SLC44A3: variants seen among roughly 807,000 people sequenced by gnomAD.
SLC44A3 encodes solute carrier family 44 member 3.
In SLC44A3, 74 loss-of-function variants were observed where a neutral mutation model predicts 75.4. The observed-to-expected ratio is 0.98, with a 90% CI of 0.81 to 1.19. The LOEUF (loss-of-function observed/expected upper bound fraction) is 1.19. Ranked by LOEUF, SLC44A3 falls within the 50% of genes most tolerant of loss-of-function variation. The probability of loss-of-function intolerance (pLI) is 0.00; values close to 1 mark genes in which losing one functional copy is unlikely to be tolerated. For synonymous variants in SLC44A3, 310 were observed against 296.9 expected (o/e 1.04, Z -0.45); for missense variants, 700 against 778.6 (o/e 0.90, Z 1.20).
At position 94,847,946 on chromosome 1, in the gene SLC44A3, A is replaced by T. The variant is rs547151501; in HGVS notation, c.1072+2482A>T. Among the ~76,000 whole-genome samples the T allele has an allele frequency of 2.0e-5, 3 of 152,268 alleles. No homozygotes were observed. In the East Asian group the frequency reaches 5.8e-4, roughly 30 times the overall value. On this transcript the variant is annotated intron_variant, in intron 9 of 14. Coordinates refer to ENST00000271227, the MANE Select transcript of SLC44A3 (RefSeq NM_001114106.3). The stretch of plus-strand genomic sequence containing the variant: ...CTAGGAAATAAAAATAGGCCTCTTT[A>T]GGCCGGGTGCAGTGGCTCACGCCTG...
In SLC44A3 at chr1:94,824,654, C is replaced by A. The variant is rs759376584; in HGVS notation, c.278+19C>A. The A allele has an allele frequency of 1.3e-6, 2 of 1,550,754 alleles. No homozygotes were observed. The highest frequency in any genetic ancestry group is 1.7e-6 in the Non-Finnish European group (2 of 1,153,270). On this transcript the variant is annotated intron_variant, in intron 3 of 14. Coordinates refer to ENST00000271227, the MANE Select transcript of SLC44A3 (RefSeq NM_001114106.3). ...TAAAAAAGTAAGTATCTAAATAAGT[C>A]CCCAGTCTGTAAGGAACTGTACCTC...
chr1:94,824,742 C>G (rs1047728302), intron 3 of SLC44A3, 107 bp downstream of exon 3: 2 of 1,364,936 alleles, frequency 1.5e-6, no homozygotes, highest in African/African-American at 2.9e-5. Flanking sequence ...ACTCTGTCAG[C>G]CTATTTTATA....
At chr1:94,840,208 CTA>C (rs57948776) in intron 7 of SLC44A3, among the ~76,000 whole-genome samples, 171 bp downstream of exon 7, 1,858 of 151,220 alleles carry the variant, frequency 0.012, 41 homozygotes, top group African/African-American at 0.044. Flanking sequence ...ATGGGAGTTG[CTA>C]TGTCTCACAG....
intron 12 of SLC44A3, among the ~76,000 whole-genome samples, chr1:94,876,968 A>G (rs1668361395): frequency 6.6e-6 from 1 of 151,944 alleles, no homozygotes; most frequent in Admixed American, 6.6e-5. Flanking sequence ...TCTTTTACCT[A>G]TGGTCACCTA....
chr1:94,870,370 A>C (rs1255752521), intron 12 of SLC44A3, among the ~76,000 whole-genome samples: 1 of 152,200 alleles, frequency 6.6e-6, no homozygotes, highest in South Asian at 2.1e-4. Flanking sequence ...AGTTGTTGGG[A>C]GCCAGGGGCC....
At chr1:94,848,067 A>G (rs1300255499) in intron 9 of SLC44A3, among the ~76,000 whole-genome samples, 1 of 152,140 alleles carries the variant, frequency 6.6e-6, no homozygotes, top group Non-Finnish European at 1.5e-5. Flanking sequence ...TCTCTACTAA[A>G]AATACAGAAA....
intron 9 of SLC44A3, among the ~76,000 whole-genome samples, chr1:94,847,436 G>A (rs1378217456): frequency 6.8e-6 from 1 of 146,990 alleles, no homozygotes; most frequent in Admixed American, 6.7e-5. Context: ...CATCAGCCAG[G>A]TCCCAGTTAC....
chr1:94,883,227 G>C (rs901295137), intron 12 of SLC44A3, among the ~76,000 whole-genome samples: 1 of 151,996 alleles, frequency 6.6e-6, no homozygotes, highest in African/African-American at 2.4e-5. Flanking sequence ...TAGGCCGGGT[G>C]CGGTGACTTA....
chr1:94,886,708 T>C (rs1244123670), intron 12 of SLC44A3, among the ~76,000 whole-genome samples: 1 of 152,086 alleles, frequency 6.6e-6, no homozygotes, highest in Non-Finnish European at 1.5e-5. Context: ...ACACAGGGCG[T>C]CCTCATTGTG....
At chr1:94,880,805 T>C (rs1173578983) in intron 12 of SLC44A3, among the ~76,000 whole-genome samples, 1 of 151,754 alleles carries the variant, frequency 6.6e-6, no homozygotes, top group East Asian at 1.9e-4. Flanking sequence ...GTTCTAGAGA[T>C]CTGTTGCACA....
At chr1:94,835,782 T>C (rs6676504) in intron 5 of SLC44A3, among the ~76,000 whole-genome samples, 79,475 of 151,950 alleles carry the variant, frequency 0.52, 20,986 homozygotes, top group East Asian at 0.69. Flanking sequence ...TATTTACATA[T>C]GCTAATAAAA....
At chr1:94,833,179 G>T (rs1662353392) in intron 5 of SLC44A3, among the ~76,000 whole-genome samples, 1 of 152,020 alleles carries the variant, frequency 6.6e-6, no homozygotes, top group Admixed American at 6.6e-5. Flanking sequence ...CTAAGGGGCT[G>T]GTGCAGCAAA....
intron 12 of SLC44A3, among the ~76,000 whole-genome samples, chr1:94,882,867 C>A (rs1669148103): frequency 6.7e-6 from 1 of 149,848 alleles, no homozygotes; most frequent in Non-Finnish European, 1.5e-5. Context: ...GCCAATTCCT[C>A]ATTGGTGAAA....
intron 6 of SLC44A3, among the ~76,000 whole-genome samples, chr1:94,839,600 G>T (rs760317137): frequency 6.6e-6 from 1 of 152,064 alleles, no homozygotes; most frequent in Non-Finnish European, 1.5e-5. Flanking sequence ...GGTTGGCCAG[G>T]CTGTTCTCGA....
chr1:94,832,771 C>T (rs1428193689), intron 5 of SLC44A3, among the ~76,000 whole-genome samples: 1 of 152,162 alleles, frequency 6.6e-6, no homozygotes, highest in Non-Finnish European at 1.5e-5. Context: ...GCCAGGAGTT[C>T]AAGACCAGCC....
chr1:94,834,013 G>T (rs754495803), intron 5 of SLC44A3, among the ~76,000 whole-genome samples: 4 of 152,172 alleles, frequency 2.6e-5, no homozygotes, highest in Non-Finnish European at 5.9e-5. Flanking sequence ...CTGTACTCCA[G>T]ATAGTACATT....
In SLC44A3 at chr1:94,837,756, G is replaced by A; in HGVS notation, c.555G>A (p.Glu185=). The A allele has an allele frequency of 6.2e-7, 1 of 1,609,632 alleles. No homozygotes were observed. Among genetic ancestry groups the A allele is most frequent in the East Asian group, 2.2e-5 (1 of 44,544 alleles). Residue 185 remains glutamate, a synonymous_variant, in exon 6 of 15, where the codon GAG becomes GAA. Transcript: ENST00000271227. The stretch of plus-strand genomic sequence containing the variant: ...ACCGATGTGTCCCTCAAACACCTGA[G>A]TGCTACTCCCTATTTGCATCTGTTT... ...LFNRCVPQTP[E]CYSLFASVLI...
chr1:94,878,228 G>A (rs1340419122), intron 12 of SLC44A3, among the ~76,000 whole-genome samples: 2 of 151,340 alleles, frequency 1.3e-5, no homozygotes, highest in Non-Finnish European at 2.9e-5. Context: ...GCGAGACTCC[G>A]TCTCACAAAA....
chr1:94,864,996 C>T (rs993026173), intron 11 of SLC44A3, 97 bp downstream of exon 11: 4 of 1,339,754 alleles, frequency 3.0e-6, no homozygotes, highest in Non-Finnish European at 4.1e-6. Context: ...AGAAATGTGA[C>T]CTGTGACAGC....
Sources: allele counts gnomAD v4.1 joint callset (sites outside exome capture counted in the v4.1 genomes callset), GRCh38; gene constraint gnomAD v4.1.1; transcripts MANE v1.5; gene names NCBI Gene and HGNC (gene_info 2026-07-23, HGNC 2026-07-21).